The following AKAP12 variants were observed in gnomAD, a reference collection of about 807,000 sequenced individuals.
AKAP12 encodes the protein A-kinase anchoring protein 12.
AKAP12 carries 32 observed loss-of-function variants against 79.9 expected under a neutral mutation model. The ratio of observed to expected loss-of-function variants is 0.40; its 90% CI spans 0.30 to 0.54. The LOEUF (loss-of-function observed/expected upper bound fraction) is 0.54, where lower values mean the gene tolerates loss of function less well. AKAP12 is among the 20% of genes least tolerant of loss of function. The pLI, the probability that AKAP12 is intolerant of heterozygous loss-of-function variation, is 0.48. For missense variants in AKAP12, 2,074 were observed against 2,177.0 expected (o/e 0.95, Z 0.94); for synonymous variants, 808 against 857.0 (o/e 0.94, Z 1.00).
At chr6:151,314,976 C>T (rs755347050) in intron 3 of AKAP12, among the ~76,000 whole-genome samples, 5 of 149,918 alleles carry the variant, frequency 3.3e-5, no homozygotes, top group African/African-American at 9.9e-5. Context: ...CGCTTGAACC[C>T]GGTAGGCGAG....
chr6:151,301,745 G>A (rs972937508), intron 2 of AKAP12, among the ~76,000 whole-genome samples: 2 of 152,158 alleles, frequency 1.3e-5, no homozygotes, highest in South Asian at 4.1e-4. Flanking sequence ...ACCCTGGCGG[G>A]ACGCAAGCTA....
chr6:151,325,818 G>C (rs752821868), intron 3 of AKAP12: 4 of 1,613,930 alleles, frequency 2.5e-6, no homozygotes, highest in Non-Finnish European at 3.4e-6. Context: ...GGAGGGCAGG[G>C]ACCCGCTAAG....
chr6:151,255,215 G>C (rs887439973), intron 2 of AKAP12, among the ~76,000 whole-genome samples: 1 of 151,806 alleles, frequency 6.6e-6, no homozygotes, highest in Admixed American at 6.6e-5. Context: ...GCCCAGGCTG[G>C]AGTGCAGTGG....
chr6:151,348,680 T>TCTTCCCCC, intron 3 of AKAP12, 31 bp from the exon 4 acceptor site: 1 of 355,202 alleles, frequency 2.8e-6, no homozygotes, highest in Non-Finnish European at 5.5e-6. Flanking sequence ...TTTTCTCTTC[T>TCTTCCCCC]CCCCACCCCC....
chr6:151,330,560 G>C (rs965829058), intron 3 of AKAP12, among the ~76,000 whole-genome samples: 1 of 152,140 alleles, frequency 6.6e-6, no homozygotes, highest in Non-Finnish European at 1.5e-5. Context: ...TGTGCCTGGG[G>C]ATGGGGAGCA....
At position 151,349,259 on chromosome 6, in the gene AKAP12, A is replaced by T. The variant is rs1284151947; in HGVS notation, c.868A>T (p.Ser290Cys). 1 of 1,613,336 alleles carries T rather than the reference A, an allele frequency of 6.2e-7. No individual in the cohort carries two copies. The highest frequency in any genetic ancestry group is 8.5e-7 in the Non-Finnish European group (1 of 1,179,870). The change falls in exon 4 of 5, where the codon AGT becomes TGT. Residue 290 changes from serine to cysteine, a missense_variant. Ser to Cys is a moderately radical substitution (Grantham distance 112, BLOSUM62 -1). This residue lies in a region of AKAP12 where 1,428 missense variants were observed against 1,451.0 expected (regional missense o/e 0.98). Transcript: ENST00000402676. ...AGAATCTCCGACTAGTCCCGTGACC[A>T]GTGAAACAGGATCAACCTTCAAAAA... The part of the protein sequence containing the change: ...SAESPTSPVT[S>C]ETGSTFKKFF...
At chr6:151,328,360 C>T (rs1244244794) in intron 3 of AKAP12, among the ~76,000 whole-genome samples, 3 of 144,266 alleles carry the variant, frequency 2.1e-5, no homozygotes, top group Admixed American at 7.0e-5. Context: ...GTAAGGTGGC[C>T]GGGCGCGGCG....
At chr6:151,313,644 T>TGC (rs1430360586) in intron 3 of AKAP12, among the ~76,000 whole-genome samples, 1 of 152,228 alleles carries the variant, frequency 6.6e-6, no homozygotes, top group Admixed American at 6.5e-5. Flanking sequence ...AGTCTGACAG[T>TGC]GCAGTGAACT....
rs1188437231 is a variant in AKAP12 at position 151,353,571 on chromosome 6, C to T, written c.5180C>T (p.Ser1727Phe). ...TDASGGLTKE[S>F]PDTNGPKQKE... ...GCCTCAGGAGGCTTAACCAAAGAGT[C>T]CCCAGATACAAATGGACCAAAACAA... The change falls in exon 4 of 5, where the codon TCC becomes TTC. Residue 1727 changes from serine to phenylalanine, a missense_variant. By Grantham distance (155) the Ser-to-Phe change is radical. Around this residue, in one of 3 missense-constraint regions of AKAP12, gnomAD observed 614 missense variants for 665.6 expected, o/e 0.92. Transcript: ENST00000402676. The T allele has an allele frequency of 1.9e-6, 3 of 1,613,970 alleles. No individual in the cohort carries two copies. Among genetic ancestry groups the T allele is most frequent in the African/African-American group, 1.3e-5 (1 of 74,910 alleles).
chr6:151,349,614 T>G lies in AKAP12; in HGVS notation c.1223T>G (p.Ile408Arg). The change falls in exon 4 of 5, where the codon ATA becomes AGA. Residue 408 changes from isoleucine (I) to arginine (R), a missense_variant. This residue lies in a region of AKAP12 where 1,428 missense variants were observed against 1,451.0 expected (regional missense o/e 0.98). Coordinates refer to ENST00000402676, the MANE Select transcript of AKAP12 (RefSeq NM_005100.4). ...GCGACAGAAGTGTTTGATGAGAAAATAGAAGTCCACCAAGAAGAGGTTGTG... is the reference window on the plus strand; with the variant it reads ...GCGACAGAAGTGTTTGATGAGAAAAGAGAAGTCCACCAAGAAGAGGTTGTG... Reference protein sequence around the residue: ...PLATEVFDEKIEVHQEEVVAE... With the variant: ...PLATEVFDEKREVHQEEVVAE... 6.2e-7 allele frequency: 1 copy of G among 1,610,126 alleles called. No homozygotes were observed. Among genetic ancestry groups the G allele is most frequent in the Non-Finnish European group, 8.5e-7 (1 of 1,178,926 alleles).
At chr6:151,254,655 A>G (rs752524662) in intron 2 of AKAP12, among the ~76,000 whole-genome samples, 3 of 152,116 alleles carry the variant, frequency 2.0e-5, no homozygotes, top group Non-Finnish European at 4.4e-5. Flanking sequence ...ATCAGTCTTC[A>G]TTTTGTTGAT....
chr6:151,345,569 C>A (rs971262556), intron 3 of AKAP12, among the ~76,000 whole-genome samples: 9 of 150,508 alleles, frequency 6.0e-5, no homozygotes, highest in Non-Finnish European at 1.0e-4. Context: ...CTGAGGTGGG[C>A]GGATCACCTG....
chr6:151,329,629 A>G (rs1777618397), intron 3 of AKAP12, among the ~76,000 whole-genome samples: 1 of 152,348 alleles, frequency 6.6e-6, no homozygotes, highest in East Asian at 1.9e-4. Flanking sequence ...CAAGAGAAAA[A>G]AATACCTTGC....
In AKAP12 at chr6:151,352,090, T is replaced by C; in HGVS notation, c.3699T>C (p.Thr1233=). The change falls in exon 4 of 5, where the codon ACT becomes ACC. Residue 1233 remains threonine, a synonymous_variant. Transcript: ENST00000402676. ...CCAGTTTTGTGTTCCAGGAAGAAACTAAAGAACAATCAAAGATGGAAGACA... is the reference window on the plus strand; with the variant it reads ...CCAGTTTTGTGTTCCAGGAAGAAACCAAAGAACAATCAAAGATGGAAGACA... ...APSSFVFQEE[T]KEQSKMEDTL... The C allele has an allele frequency of 6.2e-7, 1 of 1,613,818 alleles. No homozygotes were observed. Among genetic ancestry groups the C allele is most frequent in the African/African-American group, 1.3e-5 (1 of 74,906 alleles).
rs565235153 is a variant in AKAP12 at position 151,353,850 on chromosome 6, G to C, written c.*12+98G>C. On this transcript the variant is annotated intron_variant, in intron 4 of 4. Coordinates refer to ENST00000402676, the MANE Select transcript of AKAP12 (RefSeq NM_005100.4). ...TCGGGAGCAAATAATTAATGCCTTC[G>C]TGTAGAACCTTCAGTTGAGGAAAAT... is the stretch of plus-strand genomic sequence containing the variant. 2,395 of 750,064 alleles carry C rather than the reference G, an allele frequency of 3.2e-3. 63 individuals carry two copies. Among genetic ancestry groups the C allele is most frequent in the Non-Finnish European group, 1.6e-4 (74 of 467,580 alleles). 46.5% of individuals were successfully genotyped at this position (750,064 alleles called of 1,614,324 possible).
intron 3 of AKAP12, among the ~76,000 whole-genome samples, chr6:151,321,001 T>A (rs1189047383): frequency 2.0e-5 from 3 of 152,122 alleles, no homozygotes; most frequent in East Asian, 3.9e-4. Flanking sequence ...TCTTTTTTTT[T>A]TTTGAGAGGG....
chr6:151,324,732 C>T (rs1777481192), intron 3 of AKAP12: 9 of 985,362 alleles, frequency 9.1e-6, no homozygotes, highest in African/African-American at 1.7e-5. Context: ...GGGGACCTAA[C>T]GGACCCACCC....
At chr6:151,279,726 C>T (rs1326241473) in intron 2 of AKAP12, among the ~76,000 whole-genome samples, 2 of 151,746 alleles carry the variant, frequency 1.3e-5, no homozygotes. Flanking sequence ...CGCCTGTAGT[C>T]CTAGCTACTG....
rs188532141 is a variant in AKAP12 at position 151,347,823 on chromosome 6, G to T, written c.320-888G>T. On this transcript the variant is annotated intron_variant, in intron 3 of 4. Coordinates refer to ENST00000402676, the MANE Select transcript of AKAP12 (RefSeq NM_005100.4). The stretch of plus-strand genomic sequence containing the variant: ...AGGCCGAGGTGGGTGGATCACTAGA[G>T]GTCAGGAGCTCAAGACCAGCCTGGC... 2.7e-5 allele frequency among the ~76,000 whole-genome samples: 4 copies of T among 149,762 alleles called. No individual in the cohort carries two copies. The East Asian group carries it at 8.0e-4, about 30-fold the overall frequency.
Sources: allele counts gnomAD v4.1 joint callset (sites outside exome capture counted in the v4.1 genomes callset), GRCh38; gene constraint gnomAD v4.1.1; regional missense constraint gnomAD v4.1.1; transcripts MANE v1.5; gene names NCBI Gene and HGNC (gene_info 2026-07-23, HGNC 2026-07-21).